Variants in PRKN observed in about 807,000 individuals in gnomAD.
PRKN encodes E3 ubiquitin-protein ligase parkin.
A neutral mutation model predicts 59.5 loss-of-function variants in PRKN; 56 were observed. That is an observed-to-expected ratio of 0.94 (90% CI 0.76 to 1.18). The LOEUF (loss-of-function observed/expected upper bound fraction) is 1.18, where lower values mean the gene tolerates loss of function less well. PRKN is among the 50% of genes most tolerant of loss of function. The pLI, the probability that PRKN is intolerant of heterozygous loss-of-function variation, is 0.00. For missense variants in PRKN, 657 were observed against 596.4 expected, an observed-to-expected ratio of 1.10 and a Z score of -1.06; for synonymous variants, 250 against 222.1, an observed-to-expected ratio of 1.13 and a Z score of -1.12.
chr6:162,387,144 G>C (rs1007211754), intron 2 of PRKN, among the ~76,000 whole-genome samples: 5 of 147,824 alleles, frequency 3.4e-5, no homozygotes, highest in African/African-American at 1.2e-4. Context: ...TTGAAGCAAT[G>C]ATGTGAATAA....
chr6:161,872,283 A>G (rs888474348), intron 6 of PRKN, among the ~76,000 whole-genome samples: 3 of 152,156 alleles, frequency 2.0e-5, no homozygotes, highest in African/African-American at 7.2e-5. Context: ...AGATTCGAAA[A>G]GGTGAGAAGA....
chr6:161,725,700 C>T (rs995065436), intron 7 of PRKN, among the ~76,000 whole-genome samples: 1 of 152,194 alleles, frequency 6.6e-6, no homozygotes, highest in African/African-American at 2.4e-5. Context: ...CCCAAAGTCT[C>T]AGGAAGATCA....
At chr6:162,643,397 C>CAAAAAAAAAAAAAAAAA (rs59995115) in intron 1 of PRKN, among the ~76,000 whole-genome samples, 1 of 82,492 alleles carries the variant, frequency 1.2e-5, no homozygotes, top group Non-Finnish European at 2.2e-5. Context: ...GACTCTGCCT[C>CAAAAAAAAAAAAAAAAA]AAAAAAAAAA....
rs148760615 is a variant in PRKN, at chr6:162,131,186, T to A, written c.534+69945A>T. Among the ~76,000 whole-genome samples the A allele has an allele frequency of 2.4e-3, 358 of 152,152 alleles. 4 individuals carry two copies. The highest frequency in any genetic ancestry group is 4.2e-3 in the Non-Finnish European group (287 of 68,014). On this transcript the variant is annotated intron_variant, in intron 4 of 11. Transcript: ENST00000366898. ...TTAATAATGACTGACTGAGAATGCA[T>A]CAGATGCTAGGCATTATATACACAG... is the stretch of plus-strand genomic sequence containing the variant.
chr6:161,621,717 C>T (rs768543707), intron 7 of PRKN, among the ~76,000 whole-genome samples: 4 of 152,132 alleles, frequency 2.6e-5, no homozygotes, highest in Non-Finnish European at 5.9e-5. Context: ...CTAAAATTAA[C>T]CATTACAGCC....
At chr6:162,104,698 T>G (rs891663090) in intron 4 of PRKN, among the ~76,000 whole-genome samples, 4 of 152,138 alleles carry the variant, frequency 2.6e-5, no homozygotes, top group Admixed American at 2.6e-4. Context: ...GTAACACCAA[T>G]TGTTGCTGGT....
chr6:161,952,314 T>C (rs1583396970), intron 6 of PRKN, among the ~76,000 whole-genome samples: 1 of 152,090 alleles, frequency 6.6e-6, no homozygotes, highest in South Asian at 2.1e-4. Context: ...TATTTCAAAC[T>C]TTATTTAAAA....
At chr6:162,280,830 G>A (rs113827320) in intron 2 of PRKN, among the ~76,000 whole-genome samples, 3 of 137,626 alleles carry the variant, frequency 2.2e-5, no homozygotes, top group African/African-American at 2.7e-5. Context: ...GCTAGAAGAC[G>A]ACAAGAACTA....
At chr6:162,116,149 A>AAGAATAAT (rs1361125417) in intron 4 of PRKN, among the ~76,000 whole-genome samples, 1 of 152,252 alleles carries the variant, frequency 6.6e-6, no homozygotes, top group Non-Finnish European at 1.5e-5. Context: ...TACAATCATT[A>AAGAATAAT]AGAATAATCA....
rs951090947 is a variant in PRKN at position 161,683,720 on chromosome 6, G to A, written c.871+102052C>T. Among the ~76,000 whole-genome samples the A allele has an allele frequency of 2.7e-4, 41 of 152,306 alleles. 1 individual carries two copies. Among genetic ancestry groups the A allele is most frequent in the African/African-American group, 9.9e-4 (41 of 41,570 alleles). ...CTAAGGACTCCTGAAATTGAAGAAGGCTTACTGCTGTGACCATGGCCATAT... is the reference window on the plus strand; with the variant it reads ...CTAAGGACTCCTGAAATTGAAGAAGACTTACTGCTGTGACCATGGCCATAT... On this transcript the variant is annotated intron_variant, in intron 7 of 11. Coordinates refer to ENST00000366898, the MANE Select transcript of PRKN (RefSeq NM_004562.3).
intron 9 of PRKN, among the ~76,000 whole-genome samples, chr6:161,541,682 G>A (rs1054087547): frequency 8.5e-5 from 13 of 152,098 alleles, no homozygotes; most frequent in South Asian, 2.1e-4. Flanking sequence ...TTAGCTGGGC[G>A]TAGTGGCACG....
chr6:162,025,046 C>T (rs1232383810), intron 5 of PRKN, among the ~76,000 whole-genome samples: 8 of 137,778 alleles, frequency 5.8e-5, no homozygotes, highest in African/African-American at 1.1e-4. Context: ...GACGGAGTCT[C>T]GCTCTGTCGC....
intron 3 of PRKN, among the ~76,000 whole-genome samples, chr6:162,260,506 A>G (rs1410557596): frequency 6.6e-6 from 1 of 152,176 alleles, no homozygotes; most frequent in South Asian, 2.1e-4. Context: ...AGAGAATACT[A>G]TATTTTCTTA....
In PRKN at chr6:161,547,900, C is replaced by A. The variant is rs558787095; in HGVS notation, c.1083+954G>T. On this transcript the variant is annotated intron_variant, in intron 9 of 11. Transcript: ENST00000366898. This position sits in a 1 kb window ranked among gnomAD's most constrained non-coding sequence, Gnocchi z 4.0. ...CCACTTCCTCTACTCCATTGCTCAACCCAGGATTTTATGAGCCCCACTGCA... is the reference window on the plus strand; with the variant it reads ...CCACTTCCTCTACTCCATTGCTCAAACCAGGATTTTATGAGCCCCACTGCA... 2.0e-5 allele frequency among the ~76,000 whole-genome samples: 3 copies of A among 152,286 alleles called. No individual in the cohort carries two copies. The South Asian group carries it at 6.2e-4, about 32-fold the overall frequency.
chr6:161,714,390 GAGGCTTTAC>G (rs1325281827), intron 7 of PRKN, among the ~76,000 whole-genome samples: 1 of 152,158 alleles, frequency 6.6e-6, no homozygotes, highest in East Asian at 1.9e-4. Context: ...ACTTATAAAA[GAGGCTTTAC>G]TCCGCATTAG....
At chr6:161,714,652 C>T (rs1355098671) in intron 7 of PRKN, among the ~76,000 whole-genome samples, 1 of 152,138 alleles carries the variant, frequency 6.6e-6, no homozygotes, top group East Asian at 1.9e-4. Context: ...TTTTAAATGG[C>T]CATTTAAGAC....
At chr6:162,084,353 C>T (rs1188294197) in intron 4 of PRKN, among the ~76,000 whole-genome samples, 1 of 152,162 alleles carries the variant, frequency 6.6e-6, no homozygotes, top group Non-Finnish European at 1.5e-5. Context: ...GTGGAGTCAA[C>T]ATCTGTACAT....
chr6:162,556,364 T>TGTGTGTGTGTGCGC lies in PRKN; in HGVS notation c.8-112892_8-112891insGCGCACACACACAC, dbSNP rs1554243418. 1.6e-4 allele frequency among the ~76,000 whole-genome samples: 15 copies of TGTGTGTGTGTGCGC among 91,246 alleles called. No homozygotes were observed. The South Asian group carries it at 3.8e-3, about 23-fold the overall frequency. 59.9% of individuals were successfully genotyped at this position (91,246 alleles called of 152,430 possible). On this transcript the variant is annotated intron_variant, in intron 1 of 11. Transcript: ENST00000366898. ...GCTGGTGTGTGTGTGTGTGTGTGTG[T>TGTGTGTGTGTGCGC]GTGTGTGTGTGTGTGTGTGTGTGTG...
In PRKN at chr6:161,459,188, G is replaced by A. The variant is rs552289816; in HGVS notation, c.1084-72311C>T. On this transcript the variant is annotated intron_variant, in intron 9 of 11. Transcript: ENST00000366898. The surrounding 1 kb of genome is among the most constrained non-coding windows in gnomAD (Gnocchi z 4.8). The stretch of plus-strand genomic sequence containing the variant: ...GATCACCATTTTTCAGGTAAGACTT[G>A]TTCTCCAGGTTAATTACAGTGGAAA... 9.9e-5 allele frequency among the ~76,000 whole-genome samples: 15 copies of A among 152,208 alleles called. No homozygotes were observed. In the East Asian group the frequency reaches 2.9e-3, roughly 29 times the overall value.
Sources: gnomAD v4.1 joint callset for allele counts (sites outside exome capture counted in the v4.1 genomes callset) on GRCh38, gnomAD v4.1.1 for gene constraint, Gnocchi (gnomAD v3.1) non-coding constraint, MANE v1.5 for transcripts, NCBI Gene and HGNC (gene_info 2026-07-23, HGNC 2026-07-21) for gene names.